Variants in NRG1 observed in about 807,000 individuals in gnomAD.
The protein encoded by NRG1 is neuregulin 1.
A neutral mutation model predicts 63.8 loss-of-function variants in NRG1; 18 were observed. The ratio of observed to expected loss-of-function variants is 0.28; its 90% CI spans 0.19 to 0.42. The LOEUF (loss-of-function observed/expected upper bound fraction) is 0.42. NRG1 is among the 10% of genes least tolerant of loss of function. The probability of loss-of-function intolerance (pLI) is 1.00; values close to 1 mark genes in which losing one functional copy is unlikely to be tolerated. For synonymous variants in NRG1, 302 were observed against 301.3 expected, an observed-to-expected ratio of 1.00 and a Z score of -0.02; for missense variants, 762 against 814.7, an observed-to-expected ratio of 0.94 and a Z score of 0.79.
At chr8:31,717,731 T>C (rs1370356036) in intron 1 of NRG1, among the ~76,000 whole-genome samples, 1 of 151,744 alleles carries the variant, frequency 6.6e-6, no homozygotes, top group Non-Finnish European at 1.5e-5. Context: ...AGCGATGCCT[T>C]TTTTTTTGTC....
At chr8:31,795,811 T>G (rs956997387) in intron 1 of NRG1, among the ~76,000 whole-genome samples, 6 of 152,200 alleles carry the variant, frequency 3.9e-5, no homozygotes, top group Admixed American at 3.9e-4. Context: ...TATTATTACT[T>G]TTGATTTTTC....
intron 1 of NRG1, among the ~76,000 whole-genome samples, chr8:31,696,058 GTGTTT>G (rs1487546772): frequency 2.6e-5 from 4 of 152,086 alleles, no homozygotes; most frequent in African/African-American, 4.8e-5. Context: ...TATTTTTTAA[GTGTTT>G]TGTTTGTTTG....
In NRG1 at chr8:31,640,805, A is replaced by C; in HGVS notation, c.37+1374A>C. On this transcript the variant is annotated intron_variant, in intron 1 of 10. Coordinates refer to the NRG1 transcript ENST00000519301. The surrounding 1 kb of genome is among the most constrained non-coding windows in gnomAD (Gnocchi z 6.3). The stretch of plus-strand genomic sequence containing the variant: ...CCGGGCGCGCGGGCAGCGGGGCTCG[A>C]CGGCCGCCCGAGCAAGGCAGAGGCG... The C allele has an allele frequency of 7.0e-7, 1 of 1,431,870 alleles. No individual in the cohort carries two copies. Among genetic ancestry groups the C allele is most frequent in the Non-Finnish European group, 9.1e-7 (1 of 1,093,886 alleles). 88.7% of individuals were successfully genotyped at this position (1,431,870 alleles called of 1,614,324 possible). A position where few individuals can be genotyped will look rare whatever the true frequency, so the allele number is the denominator to read the frequency against.
chr8:32,515,806 G>A (rs1181423753), intron 1 of NRG1, among the ~76,000 whole-genome samples: 3 of 152,090 alleles, frequency 2.0e-5, no homozygotes, highest in Non-Finnish European at 4.4e-5. Flanking sequence ...ATAGAATCTT[G>A]ATATTAGACC....
chr8:31,872,856 C>T (rs534792737), intron 1 of NRG1, among the ~76,000 whole-genome samples: 7 of 152,256 alleles, frequency 4.6e-5, no homozygotes, highest in Admixed American at 1.3e-4. Context: ...CAAATACATC[C>T]AAGTATTTAA....
chr8:31,976,769 A>G (rs528618209), intron 1 of NRG1, among the ~76,000 whole-genome samples: 11 of 152,168 alleles, frequency 7.2e-5, no homozygotes, highest in South Asian at 2.1e-4. Context: ...GAAACAGACA[A>G]TGGTTCACAG....
chr8:32,742,984 G>A lies in NRG1; in HGVS notation c.691+251G>A, dbSNP rs565280752. 1 of 1,317,034 alleles carries A rather than the reference G, an allele frequency of 7.6e-7. No individual in the cohort carries two copies. Among genetic ancestry groups the A allele is most frequent in the Non-Finnish European group, 9.7e-7 (1 of 1,027,850 alleles). The allele number at this position is 1,317,034 out of a possible 1,614,324, so 81.6% of individuals were successfully genotyped here. A position where few individuals can be genotyped will look rare whatever the true frequency, so the allele number is the denominator to read the frequency against. On this transcript the variant is annotated intron_variant, in intron 7 of 11. Coordinates refer to ENST00000356819, the Ensembl canonical transcript of NRG1. This position sits in a 1 kb window ranked among gnomAD's most constrained non-coding sequence, Gnocchi z 4.2. ...TCCGGATGTTTCTGGAATTGATATT[G>A]AATGATGTGATACAAATTGATAGTC...
At chr8:32,646,653 G>A (rs947039949) in intron 5 of NRG1, 25 of 977,032 alleles carry the variant, frequency 2.6e-5, no homozygotes, top group Non-Finnish European at 2.9e-5. Flanking sequence ...CTGGCAAGGT[G>A]GGGGTGGAAG....
chr8:32,639,923 AT>A (rs1464856007), intron 5 of NRG1, among the ~76,000 whole-genome samples: 1 of 152,234 alleles, frequency 6.6e-6, no homozygotes, highest in Non-Finnish European at 1.5e-5. Context: ...CTCTTACTGC[AT>A]TAAACTACAT....
chr8:31,708,443 A>AT (rs1232647785), intron 1 of NRG1, among the ~76,000 whole-genome samples: 33 of 132,134 alleles, frequency 2.5e-4, no homozygotes, highest in Non-Finnish European at 2.8e-4. Context: ...AATAAACATA[A>AT]TTGTTTTTTT....
chr8:32,139,060 G>C (rs923746111), intron 1 of NRG1, among the ~76,000 whole-genome samples: 6 of 152,086 alleles, frequency 3.9e-5, no homozygotes, highest in Non-Finnish European at 8.8e-5. Flanking sequence ...TTAATATTTT[G>C]ACCTCAAGCA....
chr8:32,137,385 T>G (rs1312780043), intron 1 of NRG1, among the ~76,000 whole-genome samples: 1 of 152,068 alleles, frequency 6.6e-6, no homozygotes, highest in Non-Finnish European at 1.5e-5. Context: ...AAGGTTGCAA[T>G]GAGCCGAGAT....
intron 1 of NRG1, among the ~76,000 whole-genome samples, chr8:32,157,460 G>T (rs1838239664): frequency 6.7e-6 from 1 of 150,362 alleles, no homozygotes; most frequent in Admixed American, 6.6e-5. Flanking sequence ...AGGAGTCCCA[G>T]ACCAGCCTGG....
intron 1 of NRG1, among the ~76,000 whole-genome samples, chr8:32,018,389 T>C (rs1005892602): frequency 1.3e-5 from 2 of 152,208 alleles, no homozygotes; most frequent in African/African-American, 4.8e-5. Context: ...ATTTGTTGTT[T>C]ATATTGAGTA....
chr8:32,534,331 CTTTACTGT>C (rs1831749045), intron 1 of NRG1, among the ~76,000 whole-genome samples: 2 of 152,092 alleles, frequency 1.3e-5, no homozygotes, highest in Admixed American at 1.3e-4. Flanking sequence ...TTGTCTGAAT[CTTTACTGT>C]ATTCCTCAAG....
At chr8:31,887,712 A>G (rs1037254324) in intron 1 of NRG1, among the ~76,000 whole-genome samples, 4 of 152,100 alleles carry the variant, frequency 2.6e-5, no homozygotes, top group African/African-American at 9.7e-5. Context: ...AGATGGCTGT[A>G]AGGATCTTTA....
At chr8:32,272,425 A>C (rs1261849660) in intron 1 of NRG1, among the ~76,000 whole-genome samples, 1 of 152,212 alleles carries the variant, frequency 6.6e-6, no homozygotes, top group Non-Finnish European at 1.5e-5. Context: ...TTAGGGCTTC[A>C]ACCCATGAAT....
At chr8:31,850,687 T>G (rs1305802373) in intron 1 of NRG1, among the ~76,000 whole-genome samples, 3 of 152,278 alleles carry the variant, frequency 2.0e-5, no homozygotes, top group South Asian at 4.1e-4. Flanking sequence ...TCATTGTCAT[T>G]GGACAATATT....
At chr8:31,893,033 A>C (rs1374943192) in intron 1 of NRG1, among the ~76,000 whole-genome samples, 1 of 151,868 alleles carries the variant, frequency 6.6e-6, no homozygotes, top group Non-Finnish European at 1.5e-5. Context: ...CTGAGTAAAG[A>C]ATATGGGGGA....
Sources: gnomAD v4.1 joint callset for allele counts (sites outside exome capture counted in the v4.1 genomes callset) on GRCh38, gnomAD v4.1.1 for gene constraint, Gnocchi (gnomAD v3.1) non-coding constraint, MANE v1.5 for transcripts, NCBI Gene and HGNC (gene_info 2026-07-23, HGNC 2026-07-21) for gene names.